Variants in CSMD1 observed in about 807,000 individuals in gnomAD.
CSMD1 encodes CUB and Sushi multiple domains 1.
CSMD1 carries 213 observed loss-of-function variants against 417.5 expected under a neutral mutation model. The ratio of observed to expected loss-of-function variants is 0.51; its 90% CI spans 0.46 to 0.57. The LOEUF (loss-of-function observed/expected upper bound fraction) is 0.57. CSMD1 is among the 20% of genes least tolerant of loss of function. The pLI is 0.00. For synonymous variants in CSMD1, 2,862 were observed against 1,736.8 expected (o/e 1.65, Z -16.11); for missense variants, 6,923 against 4,529.7 (o/e 1.53, Z -15.17).
intron 5 of CSMD1, among the ~76,000 whole-genome samples, chr8:3,875,418 G>T (rs564757384): frequency 3.9e-5 from 6 of 152,178 alleles, no homozygotes; most frequent in Non-Finnish European, 8.8e-5. Flanking sequence ...TGGATTGGAG[G>T]AGTTCCTGCA....
In CSMD1 at chr8:4,977,008, G is replaced by A. The variant is rs566900554; in HGVS notation, c.85+17324C>T. 1.7e-3 allele frequency among the ~76,000 whole-genome samples: 256 copies of A among 152,252 alleles called. 1 individual carries two copies. The highest frequency in any genetic ancestry group is 0.01 in the Middle Eastern group (3 of 294). On this transcript the variant is annotated intron_variant, in intron 1 of 69. Coordinates refer to ENST00000635120, the MANE Select transcript of CSMD1 (RefSeq NM_033225.6). ...GCAATTTGTCAGATGTCTCCCATGT[G>A]TACTCGAACTGACCATATTATGTGT...
chr8:4,156,428 G>C (rs904515532), intron 3 of CSMD1, among the ~76,000 whole-genome samples: 3 of 152,124 alleles, frequency 2.0e-5, no homozygotes, highest in Admixed American at 6.5e-5. Flanking sequence ...ACTGACTTGA[G>C]AAAGAAAGGA....
At chr8:4,709,015 T>C (rs562127294) in intron 1 of CSMD1, among the ~76,000 whole-genome samples, 2 of 152,208 alleles carry the variant, frequency 1.3e-5, no homozygotes, top group South Asian at 4.1e-4. Context: ...CTTGACAAAA[T>C]AAATGTCTAT....
In CSMD1 at chr8:3,411,926, A is replaced by ACATGCACG. The variant is rs1488604572; in HGVS notation, c.1562-2322_1562-2321insCGTGCATG. 1.1e-4 allele frequency among the ~76,000 whole-genome samples: 14 copies of ACATGCACG among 129,804 alleles called. 2 individuals carry two copies. Among genetic ancestry groups the ACATGCACG allele is most frequent in the Admixed American group, 3.0e-4 (4 of 13,472 alleles). 85.2% of individuals were successfully genotyped at this position (129,804 alleles called of 152,430 possible). ...TATATACACGTATATATGCACGTAT[A>ACATGCACG]TATACACGTATATATGCACGTATAT... On this transcript the variant is annotated intron_variant, in intron 12 of 69. Coordinates refer to ENST00000635120, the MANE Select transcript of CSMD1 (RefSeq NM_033225.6).
intron 1 of CSMD1, among the ~76,000 whole-genome samples, chr8:4,985,647 C>T (rs1811139960): frequency 6.6e-6 from 1 of 152,172 alleles, no homozygotes; most frequent in Non-Finnish European, 1.5e-5. Flanking sequence ...TTCCACCTAA[C>T]AGTAACAAGA....
At chr8:4,329,478 G>T (rs918382049) in intron 3 of CSMD1, among the ~76,000 whole-genome samples, 2 of 152,102 alleles carry the variant, frequency 1.3e-5, no homozygotes, top group Non-Finnish European at 2.9e-5. Flanking sequence ...AGGATAGACG[G>T]CATTTCACCA....
At chr8:4,379,851 G>C (rs1454314995) in intron 3 of CSMD1, among the ~76,000 whole-genome samples, 1 of 152,194 alleles carries the variant, frequency 6.6e-6, no homozygotes, top group Non-Finnish European at 1.5e-5. Context: ...TCCCTGCTAG[G>C]AGACAGTGAT....
chr8:4,745,454 C>G (rs968007238), intron 1 of CSMD1, among the ~76,000 whole-genome samples: 2 of 152,150 alleles, frequency 1.3e-5, no homozygotes, highest in African/African-American at 4.8e-5. Flanking sequence ...AGAAAGCTCT[C>G]TTAGATACTA....
chr8:3,083,123 T>G (rs554413094), intron 49 of CSMD1, among the ~76,000 whole-genome samples: 36 of 152,300 alleles, frequency 2.4e-4, no homozygotes, highest in African/African-American at 8.2e-4. Context: ...TTCATAATTA[T>G]GAATTGTCAG....
chr8:4,726,565 C>T (rs1476149697), intron 1 of CSMD1, among the ~76,000 whole-genome samples: 1 of 152,158 alleles, frequency 6.6e-6, no homozygotes, highest in Non-Finnish European at 1.5e-5. Flanking sequence ...GACCACTTCC[C>T]TGTCTGACAG....
intron 11 of CSMD1, among the ~76,000 whole-genome samples, chr8:3,480,635 C>G (rs1052887684): frequency 6.6e-6 from 1 of 152,080 alleles, no homozygotes; most frequent in Non-Finnish European, 1.5e-5. Context: ...TTCCAAGACA[C>G]ATCTAATCCA....
intron 25 of CSMD1, among the ~76,000 whole-genome samples, chr8:3,300,290 T>G (rs1804288160): frequency 6.6e-6 from 1 of 152,144 alleles, no homozygotes; most frequent in Non-Finnish European, 1.5e-5. Context: ...GAAAAAATTT[T>G]AAAAAGCTAT....
chr8:3,279,447 C>T (rs1304555788), intron 26 of CSMD1, among the ~76,000 whole-genome samples: 1 of 152,132 alleles, frequency 6.6e-6, no homozygotes, highest in South Asian at 2.1e-4. Flanking sequence ...GATTGTAGTA[C>T]ACTCACAGGC....
At chr8:3,164,853 CATAAG>C (rs1358785226) in intron 37 of CSMD1, among the ~76,000 whole-genome samples, 2 of 152,012 alleles carry the variant, frequency 1.3e-5, no homozygotes, top group South Asian at 2.1e-4. Context: ...ATGTTTTACC[CATAAG>C]ATATGATGTG....
chr8:3,462,983 G>A lies in CSMD1; in HGVS notation c.1561+5729C>T, dbSNP rs575456043. ...AGGATGTCCAGGCTTGTGGCCTTGC[G>A]CTGTCCACCACGTGAGGACACAGTG... is the stretch of plus-strand genomic sequence containing the variant. On this transcript the variant is annotated intron_variant, in intron 12 of 69. Transcript: ENST00000635120. Among the ~76,000 whole-genome samples the A allele has an allele frequency of 1.1e-4, 16 of 152,300 alleles. 1 individual carries two copies. The highest frequency in any genetic ancestry group is 4.1e-4 in the South Asian group (2 of 4,828).
chr8:4,451,568 G>C (rs1330537205), intron 2 of CSMD1, among the ~76,000 whole-genome samples: 1 of 152,120 alleles, frequency 6.6e-6, no homozygotes, highest in Non-Finnish European at 1.5e-5. Flanking sequence ...GCGATAGAGT[G>C]AAGACAAAGA....
chr8:4,454,568 C>T (rs1799355607), intron 2 of CSMD1, among the ~76,000 whole-genome samples: 2 of 152,136 alleles, frequency 1.3e-5, no homozygotes, highest in African/African-American at 4.8e-5. Context: ...ACAGAGTAGA[C>T]CCAATGCAGC....
chr8:3,844,635 A>T (rs115355613), intron 5 of CSMD1, among the ~76,000 whole-genome samples: 9,530 of 152,182 alleles, frequency 0.063, 873 homozygotes, highest in African/African-American at 0.2. Context: ...TGGAAGGAGA[A>T]CGGTGGGTAT....
At chr8:4,204,549 A>G (rs1799866439) in intron 3 of CSMD1, among the ~76,000 whole-genome samples, 1 of 152,238 alleles carries the variant, frequency 6.6e-6, no homozygotes, top group African/African-American at 2.4e-5. Context: ...AGAAGAAATT[A>G]TGACACCTTT....
Sources: allele counts gnomAD v4.1 joint callset (sites outside exome capture counted in the v4.1 genomes callset), GRCh38; gene constraint gnomAD v4.1.1; transcripts MANE v1.5; gene names NCBI Gene and HGNC (gene_info 2026-07-23, HGNC 2026-07-21).